DCC: variants seen among roughly 807,000 people sequenced by gnomAD.
DCC encodes the protein DCC netrin 1 receptor, also known as netrin receptor DCC.
Under a neutral mutation model 172.5 loss-of-function variants are expected in DCC, and 58 were observed. The ratio of observed to expected loss-of-function variants is 0.34; its 90% CI spans 0.27 to 0.42. DCC has a LOEUF of 0.42. Among genes scored for constraint, DCC ranks in the 10% least tolerant of loss-of-function variants. DCC has a pLI of 1.00. For missense variants in DCC, 1,740 were observed against 1,791.0 expected (o/e 0.97, Z 0.51); for synonymous variants, 709 against 644.5 (o/e 1.10, Z -1.52).
intron 1 of DCC, among the ~76,000 whole-genome samples, chr18:52,376,484 T>C (rs1985352113): frequency 1.4e-5 from 1 of 73,776 alleles, no homozygotes; most frequent in South Asian, 5.8e-4. Flanking sequence ...TATATTTCTA[T>C]GTGTGTGTGT....
intron 9 of DCC, 132 bp from the exon 10 acceptor site, chr18:53,205,084 T>C: frequency 1.4e-6 from 1 of 707,018 alleles, no homozygotes; most frequent in Non-Finnish European, 2.4e-6. Context: ...TATATTCTTA[T>C]TCCATATTAT....
At chr18:52,846,815 A>C (rs2038901088) in intron 2 of DCC, among the ~76,000 whole-genome samples, 1 of 152,180 alleles carries the variant, frequency 6.6e-6, no homozygotes, top group Non-Finnish European at 1.5e-5. Context: ...ACAGGAGTTC[A>C]ATAACCATGG....
At chr18:52,487,665 G>A (rs553139679) in intron 1 of DCC, among the ~76,000 whole-genome samples, 1 of 151,878 alleles carries the variant, frequency 6.6e-6, no homozygotes, top group East Asian at 1.9e-4. Flanking sequence ...ACAAAAATTA[G>A]CCAGGTGTGC....
intron 1 of DCC, among the ~76,000 whole-genome samples, chr18:52,524,100 G>A (rs1231019675): frequency 6.6e-6 from 1 of 152,104 alleles, no homozygotes; most frequent in African/African-American, 2.4e-5. Flanking sequence ...AGCCTATTTA[G>A]GTCACAATAC....
At chr18:53,465,973 C>A (rs2045615620) in intron 24 of DCC, among the ~76,000 whole-genome samples, 1 of 152,062 alleles carries the variant, frequency 6.6e-6, no homozygotes, top group African/African-American at 2.4e-5. Flanking sequence ...ACCATGTTAG[C>A]CAGGATGGTC....
chr18:52,671,230 C>G (rs544888957), intron 1 of DCC, among the ~76,000 whole-genome samples: 118 of 152,106 alleles, frequency 7.8e-4, no homozygotes, highest in Non-Finnish European at 1.0e-3. Context: ...TCAACCAGTC[C>G]CACCACTGGA....
At chr18:52,518,552 G>A (rs2031712044) in intron 1 of DCC, among the ~76,000 whole-genome samples, 1 of 152,164 alleles carries the variant, frequency 6.6e-6, no homozygotes, top group South Asian at 2.1e-4. Flanking sequence ...AAATCCTTCT[G>A]ACTTGGTGTA....
chr18:53,053,814 T>G (rs538799463), intron 5 of DCC, among the ~76,000 whole-genome samples: 1 of 152,312 alleles, frequency 6.6e-6, no homozygotes, highest in African/African-American at 2.4e-5. Context: ...GATTTAACAC[T>G]TAAATCTTGT....
At chr18:52,637,809 A>T (rs2034811980) in intron 1 of DCC, among the ~76,000 whole-genome samples, 1 of 152,212 alleles carries the variant, frequency 6.6e-6, no homozygotes, top group Non-Finnish European at 1.5e-5. Flanking sequence ...TACAAGAAGC[A>T]CAAAGAACAC....
At chr18:52,854,753 G>T (rs1470887653) in intron 2 of DCC, among the ~76,000 whole-genome samples, 1 of 152,208 alleles carries the variant, frequency 6.6e-6, no homozygotes. Context: ...AAGCCCGCCA[G>T]CAGGGTTTGG....
At chr18:52,880,487 C>A (rs2039468482) in intron 2 of DCC, among the ~76,000 whole-genome samples, 1 of 152,222 alleles carries the variant, frequency 6.6e-6, no homozygotes, top group Admixed American at 6.5e-5. Context: ...ATCCCGTAAC[C>A]ATCCCCACTT....
intron 1 of DCC, among the ~76,000 whole-genome samples, chr18:52,383,843 G>T (rs1160083846): frequency 2.6e-5 from 4 of 151,934 alleles, no homozygotes; most frequent in Non-Finnish European, 4.4e-5. Context: ...ATTTACCACA[G>T]AAATTTTCAT....
At chr18:52,933,310 C>A (rs1427564927) in intron 5 of DCC, among the ~76,000 whole-genome samples, 1 of 151,602 alleles carries the variant, frequency 6.6e-6, no homozygotes, top group African/African-American at 2.4e-5. Flanking sequence ...GGGAAAAAGA[C>A]AAGAAGCAGG....
Position 53,486,855 on chromosome 18 carries a change from C to G in DCC, c.3795C>G (p.Leu1265=), listed in dbSNP as rs1599206674. ...TLESAQYPGI[L]PSPTCGYPHP... is the part of the protein sequence containing the mutation. ...AAAGTGCCCAGTACCCAGGAATCCT[C>G]CCGTCTCCCACCTGTGGATATCCCC... The change falls in exon 26 of 29, where the codon CTC becomes CTG. Residue 1265 remains leucine, a synonymous_variant. Coordinates refer to ENST00000442544, the MANE Select transcript of DCC (RefSeq NM_005215.4). 6.2e-7 allele frequency: 1 copy of G among 1,614,082 alleles called. No individual in the cohort carries two copies. The highest frequency in any genetic ancestry group is 8.5e-7 in the Non-Finnish European group (1 of 1,180,046).
At chr18:53,108,239 A>G (rs1370880992) in intron 7 of DCC, among the ~76,000 whole-genome samples, 5 of 151,790 alleles carry the variant, frequency 3.3e-5, no homozygotes, top group Non-Finnish European at 7.4e-5. Flanking sequence ...CTTTGAGTCA[A>G]GAAACAGAAC....
chr18:53,290,612 C>T (rs763228763), intron 12 of DCC, among the ~76,000 whole-genome samples: 5 of 151,886 alleles, frequency 3.3e-5, no homozygotes, highest in East Asian at 1.9e-4. Flanking sequence ...GAAGATAGGC[C>T]GCTGTTAATA....
intron 7 of DCC, among the ~76,000 whole-genome samples, chr18:53,080,014 G>GT: frequency 6.6e-6 from 1 of 152,140 alleles, no homozygotes; most frequent in East Asian, 1.9e-4. Flanking sequence ...TTCTATTTCT[G>GT]TTTTTTAAAG....
chr18:52,956,108 C>G (rs72926138), intron 5 of DCC, among the ~76,000 whole-genome samples: 3,241 of 151,612 alleles, frequency 0.021, 60 homozygotes, highest in Admixed American at 0.039. Context: ...ATGGATTTTG[C>G]CTTTAGTGTT....
intron 1 of DCC, among the ~76,000 whole-genome samples, chr18:52,732,381 C>G (rs1022663501): frequency 1.3e-5 from 2 of 152,100 alleles, no homozygotes; most frequent in Non-Finnish European, 2.9e-5. Context: ...GTCTTATCCA[C>G]GATTTATTCA....
Sources: allele counts gnomAD v4.1 joint callset (sites outside exome capture counted in the v4.1 genomes callset), GRCh38; gene constraint gnomAD v4.1.1; transcripts MANE v1.5; gene names NCBI Gene and HGNC (gene_info 2026-07-23, HGNC 2026-07-21).